Variants in CDH13 observed in about 807,000 individuals in gnomAD.
CDH13 encodes the protein cadherin-13.
In CDH13, 24 loss-of-function variants were observed where a neutral mutation model predicts 63.8. The observed-to-expected ratio is 0.38, with a 90% CI of 0.27 to 0.53. CDH13 has a LOEUF of 0.53. Among genes scored for constraint, CDH13 ranks in the 20% least tolerant of loss-of-function variants. The pLI, the probability that CDH13 is intolerant of heterozygous loss-of-function variation, is 0.85. For missense variants in CDH13, 1,049 were observed against 903.1 expected, an observed-to-expected ratio of 1.16 and a Z score of -2.07; for synonymous variants, 503 against 355.3, an observed-to-expected ratio of 1.42 and a Z score of -4.67.
chr16:83,450,527 C>G (rs1388083031), intron 6 of CDH13, among the ~76,000 whole-genome samples: 1 of 152,094 alleles, frequency 6.6e-6, no homozygotes, highest in African/African-American at 2.4e-5. Flanking sequence ...CTGTATCTTA[C>G]TTTATTAAAT....
chr16:82,900,042 C>G (rs1429437686), intron 2 of CDH13, among the ~76,000 whole-genome samples: 1 of 152,198 alleles, frequency 6.6e-6, no homozygotes, highest in African/African-American at 2.4e-5. Context: ...ATTGCTCTCT[C>G]TCTCTCTTGC....
At chr16:82,975,604 A>C (rs1331365650) in intron 2 of CDH13, among the ~76,000 whole-genome samples, 1 of 152,220 alleles carries the variant, frequency 6.6e-6, no homozygotes, top group Non-Finnish European at 1.5e-5. Flanking sequence ...CATCGTAATG[A>C]TACTATTTTC....
At chr16:83,553,705 CA>C (rs1460646224) in intron 7 of CDH13, among the ~76,000 whole-genome samples, 5 of 152,112 alleles carry the variant, frequency 3.3e-5, no homozygotes, top group African/African-American at 1.2e-4. Flanking sequence ...TACAGGCACC[CA>C]CCACCACACT....
At chr16:83,119,210 A>G (rs1046327981) in intron 3 of CDH13, among the ~76,000 whole-genome samples, 4 of 152,110 alleles carry the variant, frequency 2.6e-5, no homozygotes, top group Admixed American at 2.6e-4. Flanking sequence ...TACGCTGACT[A>G]AACTTTCTGT....
intron 5 of CDH13, among the ~76,000 whole-genome samples, chr16:83,343,855 A>T (rs2090779925): frequency 6.6e-6 from 1 of 152,216 alleles, no homozygotes; most frequent in African/African-American, 2.4e-5. Flanking sequence ...CTGTAAAAAG[A>T]TCCAAAGGGT....
At chr16:83,515,056 G>C (rs1026589961) in intron 7 of CDH13, among the ~76,000 whole-genome samples, 1 of 152,142 alleles carries the variant, frequency 6.6e-6, no homozygotes, top group South Asian at 2.1e-4. Context: ...GGCAGCTTCG[G>C]GGGTAGGAAT....
intron 1 of CDH13, among the ~76,000 whole-genome samples, chr16:82,710,552 A>AATATATATATATATAT (rs1555537840): frequency 4.4e-4 from 28 of 63,740 alleles, no homozygotes; most frequent in South Asian, 1.3e-3. Context: ...AAAAAAAAAA[A>AATATATATATATATAT]ATATATATAT....
chr16:83,284,377 C>T (rs1048723454), intron 5 of CDH13, among the ~76,000 whole-genome samples: 5 of 152,072 alleles, frequency 3.3e-5, no homozygotes, highest in South Asian at 2.1e-4. Context: ...AAATGAGATA[C>T]GATACTACCA....
intron 7 of CDH13, among the ~76,000 whole-genome samples, chr16:83,594,009 C>T (rs1448983625): frequency 6.6e-6 from 1 of 152,190 alleles, no homozygotes; most frequent in African/African-American, 2.4e-5. Flanking sequence ...CTGGGCATTT[C>T]TTAGCTATAC....
intron 2 of CDH13, among the ~76,000 whole-genome samples, chr16:82,917,964 G>T (rs551738789): frequency 1.3e-5 from 2 of 150,620 alleles, no homozygotes; most frequent in Non-Finnish European, 2.9e-5. Flanking sequence ...CACATGTGAG[G>T]AGCAGCATCC....
At chr16:83,534,646 G>A (rs1342409023) in intron 7 of CDH13, among the ~76,000 whole-genome samples, 1 of 152,228 alleles carries the variant, frequency 6.6e-6, no homozygotes, top group Non-Finnish European at 1.5e-5. Context: ...TATGATAGCA[G>A]AGGTCAGCAC....
chr16:83,392,491 C>T (rs750045986), intron 6 of CDH13, among the ~76,000 whole-genome samples: 4 of 152,280 alleles, frequency 2.6e-5, no homozygotes, highest in East Asian at 3.9e-4. Context: ...CAATTATCAT[C>T]GTAATGACTC....
chr16:83,059,506 C>A (rs1043107250), intron 3 of CDH13, among the ~76,000 whole-genome samples: 16 of 152,090 alleles, frequency 1.1e-4, no homozygotes, highest in African/African-American at 3.9e-4. Context: ...GTAACACTGG[C>A]GCTCGGGTGT....
At chr16:83,365,892 G>T (rs1256964564) in intron 6 of CDH13, among the ~76,000 whole-genome samples, 11 of 152,104 alleles carry the variant, frequency 7.2e-5, no homozygotes, top group Admixed American at 7.2e-4. Context: ...GCTGGAAAAG[G>T]ATTTTTCCCC....
At chr16:83,744,682 C>T (rs1440985683) in intron 10 of CDH13, among the ~76,000 whole-genome samples, 3 of 152,178 alleles carry the variant, frequency 2.0e-5, no homozygotes, top group Non-Finnish European at 4.4e-5. Context: ...CATAGCCTGA[C>T]TCTGCAACGG....
chr16:82,802,744 A>G (rs1175655027), intron 1 of CDH13, among the ~76,000 whole-genome samples: 1 of 150,444 alleles, frequency 6.6e-6, no homozygotes, highest in Admixed American at 6.6e-5. Context: ...AAAAGTGAAC[A>G]GCAACCCTTA....
chr16:82,669,971 G>C (rs991643784), intron 1 of CDH13, among the ~76,000 whole-genome samples: 1 of 152,208 alleles, frequency 6.6e-6, no homozygotes, highest in Non-Finnish European at 1.5e-5. Context: ...CCCTTTAAAA[G>C]ATAAAGAGAA....
chr16:83,023,696 C>T (rs1156649198), intron 2 of CDH13, among the ~76,000 whole-genome samples: 1 of 152,136 alleles, frequency 6.6e-6, no homozygotes, highest in Non-Finnish European at 1.5e-5. Flanking sequence ...CACATATGGT[C>T]TTGATATCTA....
intron 4 of CDH13, among the ~76,000 whole-genome samples, chr16:83,180,170 G>GT (rs948898088): frequency 1.4e-4 from 21 of 151,658 alleles, no homozygotes; most frequent in South Asian, 4.2e-4. Context: ...TTGTTTGTTT[G>GT]TTTTTTTTAT....
Sources: gnomAD v4.1 joint callset for allele counts (sites outside exome capture counted in the v4.1 genomes callset) on GRCh38, gnomAD v4.1.1 for gene constraint, MANE v1.5 for transcripts, NCBI Gene and HGNC (gene_info 2026-07-23, HGNC 2026-07-21) for gene names.